MEI4: variants seen among roughly 807,000 people sequenced by gnomAD.
MEI4 encodes the protein meiotic double-stranded break formation protein 4.
A neutral mutation model predicts 31.4 loss-of-function variants in MEI4; 27 were observed. The observed-to-expected ratio is 0.86, with a 90% CI of 0.63 to 1.19. The LOEUF (loss-of-function observed/expected upper bound fraction) is 1.19. MEI4 is among the 50% of genes most tolerant of loss of function. The pLI, the probability that MEI4 is intolerant of heterozygous loss-of-function variation, is 0.00. For missense variants in MEI4, 329 were observed against 398.9 expected, an observed-to-expected ratio of 0.82 and a Z score of 1.49; for synonymous variants, 122 against 145.4, an observed-to-expected ratio of 0.84 and a Z score of 1.16.
At position 77,926,072 on chromosome 6, in the gene MEI4, A is replaced by G. The variant is rs1333707874; in HGVS notation, c.*2726A>G. ...TCATCCTGAGGCAGTCCATCTTCCA[A>G]TTCCACACTCCTACTTTACTGCACT... is the stretch of plus-strand genomic sequence containing the variant. On this transcript the variant is annotated 3_prime_UTR_variant, in exon 5 of 5. Transcript: ENST00000684080. The G allele has an allele frequency of 1.3e-5, 2 of 151,848 alleles. No individual in the cohort carries two copies. Among genetic ancestry groups the G allele is most frequent in the Non-Finnish European group, 2.9e-5 (2 of 67,932 alleles). 9.4% of individuals were successfully genotyped at this position (151,848 alleles called of 1,614,324 possible).
At chr6:77,687,006 A>C (rs1769070460) in intron 1 of MEI4, among the ~76,000 whole-genome samples, 1 of 152,048 alleles carries the variant, frequency 6.6e-6, no homozygotes, top group Non-Finnish European at 1.5e-5. Context: ...AAGTTCAATA[A>C]GGAAAAATTA....
chr6:77,723,037 C>G (rs901454830), intron 2 of MEI4, among the ~76,000 whole-genome samples: 10 of 142,508 alleles, frequency 7.0e-5, no homozygotes, highest in African/African-American at 2.7e-4. Flanking sequence ...AATCCTGTCT[C>G]CTGGACTGGC....
intron 2 of MEI4, among the ~76,000 whole-genome samples, chr6:77,750,778 A>T (rs1422462561): frequency 1.3e-5 from 2 of 152,180 alleles, no homozygotes; most frequent in Non-Finnish European, 2.9e-5. Context: ...GACCTAACAG[A>T]CATCTACAGG....
At chr6:77,655,407 C>T (rs1031338215) in intron 1 of MEI4, among the ~76,000 whole-genome samples, 2 of 152,098 alleles carry the variant, frequency 1.3e-5, no homozygotes, top group African/African-American at 4.8e-5. Context: ...TAAGCATGAG[C>T]CCTCCAATAA....
At chr6:77,883,729 T>TATATATACATATAC in intron 4 of MEI4, among the ~76,000 whole-genome samples, 1 of 140,538 alleles carries the variant, frequency 7.1e-6, no homozygotes. Context: ...TATATATATA[T>TATATATACATATAC]ATATATATAT....
chr6:77,700,016 G>C (rs182006549), intron 2 of MEI4, among the ~76,000 whole-genome samples: 1 of 152,334 alleles, frequency 6.6e-6, no homozygotes, highest in Non-Finnish European at 1.5e-5. Flanking sequence ...ACTGTGGGGT[G>C]CCTCCCAGTT....
At chr6:77,700,903 C>G (rs1004531425) in intron 2 of MEI4, among the ~76,000 whole-genome samples, 1 of 152,004 alleles carries the variant, frequency 6.6e-6, no homozygotes, top group Admixed American at 6.6e-5. Flanking sequence ...ACATTTTTAT[C>G]TTACTTAAAT....
intron 3 of MEI4, among the ~76,000 whole-genome samples, chr6:77,823,893 T>A (rs80226140): frequency 0.15 from 22,516 of 152,008 alleles, 1,984 homozygotes; most frequent in East Asian, 0.39. Context: ...TTGCTTACAG[T>A]GCTGGCCTGT....
At chr6:77,801,617 G>T (rs1268646552) in intron 3 of MEI4, among the ~76,000 whole-genome samples, 2 of 151,958 alleles carry the variant, frequency 1.3e-5, no homozygotes, top group African/African-American at 2.4e-5. Context: ...TTTCTCTTGT[G>T]GGCATTTAGT....
intron 4 of MEI4, among the ~76,000 whole-genome samples, chr6:77,852,902 A>C (rs570176133): frequency 6.6e-6 from 1 of 152,180 alleles, no homozygotes; most frequent in African/African-American, 2.4e-5. Context: ...AATAAAGCCA[A>C]TAAGACAGAT....
intron 4 of MEI4, among the ~76,000 whole-genome samples, chr6:77,850,523 C>A (rs1221798176): frequency 6.6e-6 from 1 of 152,112 alleles, no homozygotes; most frequent in Non-Finnish European, 1.5e-5. Context: ...CTGACAAAAA[C>A]AAGAAATGGG....
chr6:77,704,286 C>A (rs1561951885), intron 2 of MEI4, among the ~76,000 whole-genome samples: 1 of 152,160 alleles, frequency 6.6e-6, no homozygotes, highest in Non-Finnish European at 1.5e-5. Flanking sequence ...AATCTGTGTC[C>A]TGGCCCCATT....
In MEI4 at chr6:77,909,789, C is replaced by T. The variant is rs192353591; in HGVS notation, c.901-13300C>T. Among the ~76,000 whole-genome samples the T allele has an allele frequency of 2.9e-3, 449 of 152,262 alleles. 3 individuals are homozygous for T. Among genetic ancestry groups the T allele is most frequent in the African/African-American group, 0.01 (417 of 41,574 alleles). On this transcript the variant is annotated intron_variant, in intron 4 of 4. Transcript: ENST00000684080. The stretch of plus-strand genomic sequence containing the variant: ...ATTTTAGACCAATATCCCTGATGAA[C>T]ATCCATGCAAAAATCCTCAATAAAA...
chr6:77,727,525 T>C (rs2127665746), intron 2 of MEI4, among the ~76,000 whole-genome samples: 1 of 152,334 alleles, frequency 6.6e-6, no homozygotes, highest in East Asian at 1.9e-4. Context: ...GTGATCATAT[T>C]TCATGTAATA....
At chr6:77,692,308 T>C (rs1283552817) in intron 2 of MEI4, among the ~76,000 whole-genome samples, 6 of 150,972 alleles carry the variant, frequency 4.0e-5, no homozygotes, top group East Asian at 3.9e-4. Context: ...TATTTACTTA[T>C]TTGTTTATTT....
intron 3 of MEI4, among the ~76,000 whole-genome samples, chr6:77,806,783 A>G (rs1262371223): frequency 2.0e-5 from 3 of 152,142 alleles, no homozygotes; most frequent in East Asian, 1.9e-4. Context: ...TTAAGAGATC[A>G]GGGATTGGCA....
intron 3 of MEI4, among the ~76,000 whole-genome samples, chr6:77,772,775 T>G (rs1458359838): frequency 1.3e-5 from 2 of 152,000 alleles, no homozygotes; most frequent in Non-Finnish European, 2.9e-5. Context: ...TTTTTGTTTG[T>G]AGATGATATC....
At chr6:77,743,211 C>T (rs1022088816) in intron 2 of MEI4, among the ~76,000 whole-genome samples, 1 of 152,136 alleles carries the variant, frequency 6.6e-6, no homozygotes, top group Admixed American at 6.5e-5. Flanking sequence ...TTACCTTGGG[C>T]AGTATGGCCA....
At chr6:77,685,253 T>G (rs1436761140) in intron 1 of MEI4, among the ~76,000 whole-genome samples, 1 of 152,098 alleles carries the variant, frequency 6.6e-6, no homozygotes, top group Non-Finnish European at 1.5e-5. Context: ...TGGCTATCAA[T>G]TCCTTGTCAG....
Sources: allele counts gnomAD v4.1 joint callset (sites outside exome capture counted in the v4.1 genomes callset), GRCh38; gene constraint gnomAD v4.1.1; transcripts MANE v1.5; gene names NCBI Gene and HGNC (gene_info 2026-07-23, HGNC 2026-07-21).